Variants in KIAA1217 observed in about 807,000 individuals in gnomAD.
The protein encoded by KIAA1217 is KIAA1217.
Under a neutral mutation model 163.9 loss-of-function variants are expected in KIAA1217, and 88 were observed. That is an observed-to-expected ratio of 0.54 (90% CI 0.45 to 0.64). The LOEUF (loss-of-function observed/expected upper bound fraction) is 0.64, where lower values mean the gene tolerates loss of function less well. KIAA1217 is among the 30% of genes least tolerant of loss of function. The pLI is 0.00. For synonymous variants in KIAA1217, 903 were observed against 923.1 expected (o/e 0.98, Z 0.39); for missense variants, 2,372 against 2,475.0 (o/e 0.96, Z 0.88).
intron 5 of KIAA1217, among the ~76,000 whole-genome samples, chr10:24,452,178 G>A (rs1592057408): frequency 1.3e-5 from 2 of 152,082 alleles, no homozygotes; most frequent in Non-Finnish European, 2.9e-5. Context: ...TTCTTGTGGA[G>A]CAGGTGATCT....
chr10:24,501,368 T>G lies in KIAA1217; in HGVS notation c.1835-11T>G. ...TGGCCTTCTGAGTTCTCTGATGCAC[T>G]TTTCTCATAGGAACGCCCCATGTGT... On this transcript the variant is annotated splice_polypyrimidine_tract_variant and intron_variant, in intron 8 of 20. Transcript: ENST00000376454. 6.2e-7 allele frequency: 1 copy of G among 1,600,926 alleles called. No individual in the cohort carries two copies. Among genetic ancestry groups the G allele is most frequent in the Non-Finnish European group, 8.6e-7 (1 of 1,169,568 alleles).
At chr10:24,011,515 A>T (rs993133839) in intron 2 of KIAA1217, among the ~76,000 whole-genome samples, 8 of 151,806 alleles carry the variant, frequency 5.3e-5, no homozygotes, top group Admixed American at 2.0e-4. Context: ...TTGTCTTTTT[A>T]AAAAAAAGCA....
chr10:24,545,916 C>A lies in KIAA1217; in HGVS notation c.5424C>A (p.Ser1808Arg). ...PASKIPALSP[S>R]SGKSSSLPSS... ...CTAAGATTCCAGCCCTTTCTCCCAG[C>A]TCTGGGAAAAGCAGTTCTCTGCCCT... Residue 1808 changes from serine to arginine, a missense_variant, in exon 21 of 21, where the codon AGC (serine) becomes AGA (arginine). By Grantham distance (110) the Ser-to-Arg change is moderately radical. This residue lies in a region of KIAA1217 where 690 missense variants were observed against 677.5 expected (regional missense o/e 1.02). Coordinates refer to ENST00000376454, the MANE Select transcript of KIAA1217 (RefSeq NM_019590.5). The A allele has an allele frequency of 6.2e-7, 1 of 1,614,168 alleles. No individual in the cohort carries two copies. Among genetic ancestry groups the A allele is most frequent in the Non-Finnish European group, 8.5e-7 (1 of 1,180,024 alleles).
chr10:24,158,786 C>A (rs745902363), intron 2 of KIAA1217: 2 of 463,280 alleles, frequency 4.3e-6, no homozygotes, highest in South Asian at 1.8e-5. Flanking sequence ...CATGTCTGGC[C>A]GGTAGTAGAA....
intron 2 of KIAA1217, among the ~76,000 whole-genome samples, chr10:24,357,033 G>A (rs904030312): frequency 3.3e-5 from 5 of 151,966 alleles, no homozygotes; most frequent in African/African-American, 1.2e-4. Flanking sequence ...CTAAGAATTG[G>A]TCTCAGACTC....
intron 2 of KIAA1217, among the ~76,000 whole-genome samples, chr10:24,201,718 T>C (rs1280521733): frequency 2.0e-5 from 3 of 150,592 alleles, no homozygotes; most frequent in Non-Finnish European, 3.0e-5. Flanking sequence ...CCACCTTCAA[T>C]TCTGTGGACT....
At chr10:24,419,487 CA>C (rs2058558178) in intron 3 of KIAA1217, among the ~76,000 whole-genome samples, 1 of 152,092 alleles carries the variant, frequency 6.6e-6, no homozygotes, top group African/African-American at 2.4e-5. Flanking sequence ...CTAGGTAAGT[CA>C]CACAACTTAC....
At chr10:24,182,438 TCACA>T (rs3222547) in intron 2 of KIAA1217, among the ~76,000 whole-genome samples, 145 of 144,964 alleles carry the variant, frequency 1.0e-3, no homozygotes, top group African/African-American at 3.1e-3. Context: ...CAAGACTCCA[TCACA>T]CACACACACA....
At chr10:23,990,094 A>G (rs1030972364) in intron 1 of KIAA1217, among the ~76,000 whole-genome samples, 3 of 152,202 alleles carry the variant, frequency 2.0e-5, no homozygotes, top group African/African-American at 7.2e-5. Flanking sequence ...TTTTTATGGT[A>G]TCATATTTGA....
intron 2 of KIAA1217, chr10:24,042,587 C>A (rs1848693922): frequency 1.3e-5 from 2 of 152,196 alleles, no homozygotes; most frequent in Admixed American, 1.3e-4. Flanking sequence ...ATGAGACTTT[C>A]ATGGCTTCAA....
chr10:24,492,175 C>G (rs1369684596), intron 6 of KIAA1217, among the ~76,000 whole-genome samples: 1 of 152,146 alleles, frequency 6.6e-6, no homozygotes. Flanking sequence ...GTCTGTGCCC[C>G]CCATGTGGCA....
chr10:24,015,222 T>G (rs1847421315), intron 2 of KIAA1217, among the ~76,000 whole-genome samples: 1 of 152,134 alleles, frequency 6.6e-6, no homozygotes, highest in Admixed American at 6.5e-5. Context: ...TTGCTTAGTC[T>G]ACATGCCTAT....
At chr10:24,430,546 A>G (rs542762890) in intron 3 of KIAA1217, among the ~76,000 whole-genome samples, 2 of 151,972 alleles carry the variant, frequency 1.3e-5, no homozygotes, top group South Asian at 2.1e-4. Flanking sequence ...ATTGCAATAT[A>G]TAATGAAATA....
At chr10:24,242,678 G>A (rs906120957) in intron 2 of KIAA1217, among the ~76,000 whole-genome samples, 10 of 152,052 alleles carry the variant, frequency 6.6e-5, no homozygotes, top group Non-Finnish European at 1.0e-4. Context: ...TGCCTTCCAC[G>A]GTGGCTGAAC....
intron 3 of KIAA1217, among the ~76,000 whole-genome samples, chr10:24,384,326 T>A (rs2053718873): frequency 6.6e-6 from 1 of 152,150 alleles, no homozygotes; most frequent in African/African-American, 2.4e-5. Flanking sequence ...TTTTTAGGTT[T>A]GTAACAAGAT....
intron 5 of KIAA1217, among the ~76,000 whole-genome samples, chr10:24,460,045 C>T (rs1048737427): frequency 6.6e-6 from 1 of 152,200 alleles, no homozygotes; most frequent in Non-Finnish European, 1.5e-5. Flanking sequence ...GTGCCGACTG[C>T]GGAGAAACAT....
chr10:24,219,859 C>G lies in KIAA1217; in HGVS notation c.304C>G (p.Pro102Ala), dbSNP rs1317530855. The G allele has an allele frequency of 1.2e-6, 2 of 1,612,670 alleles. No individual in the cohort carries two copies. Among genetic ancestry groups the G allele is most frequent in the Admixed American group, 3.3e-5 (2 of 59,856 alleles). ...AFLEHLKQKY[P>A]HHASAIMGHQ... ...CCTAGAACATCTGAAGCAGAAGTAC[C>G]CCCACCACGCCTCTGCAATCATGGG... The change falls in exon 2 of 21, where the codon CCC (proline) becomes GCC (alanine). Residue 102 changes from proline (P) to alanine (A), a missense_variant. Physicochemically the swap from Pro to Ala is conservative, Grantham distance 27. Coordinates refer to ENST00000376454, the MANE Select transcript of KIAA1217 (RefSeq NM_019590.5).
intron 17 of KIAA1217, among the ~76,000 whole-genome samples, chr10:24,537,724 T>A (rs182238516): frequency 6.6e-6 from 1 of 152,330 alleles, no homozygotes; most frequent in East Asian, 1.9e-4. Flanking sequence ...GAATTTTTGC[T>A]AAGTATTATC....
At chr10:24,381,212 A>G in intron 3 of KIAA1217, 145 bp downstream of exon 3, 1 of 635,950 alleles carries the variant, frequency 1.6e-6, no homozygotes, top group South Asian at 4.3e-5. Flanking sequence ...TTGGTTTAAT[A>G]TCAAGCATTG....
Sources: gnomAD v4.1 joint callset for allele counts (sites outside exome capture counted in the v4.1 genomes callset) on GRCh38, gnomAD v4.1.1 for gene constraint, gnomAD v4.1.1 regional missense constraint, MANE v1.5 for transcripts, NCBI Gene and HGNC (gene_info 2026-07-23, HGNC 2026-07-21) for gene names.